RGS7: variants seen among roughly 807,000 people sequenced by gnomAD.
RGS7 encodes regulator of G protein signaling 7, also known as regulator of G-protein signaling 7.
RGS7 carries 27 observed loss-of-function variants against 81.1 expected under a neutral mutation model. That is an observed-to-expected ratio of 0.33 (90% CI 0.25 to 0.46). The LOEUF (loss-of-function observed/expected upper bound fraction) is 0.46. Ranked by LOEUF, RGS7 falls within the 20% of genes least tolerant of loss-of-function variation. The pLI is 1.00. For missense variants in RGS7, 396 were observed against 607.4 expected (o/e 0.65, Z 3.66); for synonymous variants, 208 against 207.7 (o/e 1.00, Z -0.01).
chr1:241,099,923 A>G (rs1297433497), intron 2 of RGS7, among the ~76,000 whole-genome samples: 1 of 152,192 alleles, frequency 6.6e-6, no homozygotes, highest in Admixed American at 6.5e-5. Context: ...TCTTGTTTTG[A>G]TAATTATGCC....
At chr1:240,970,619 C>A (rs995691894) in intron 4 of RGS7, among the ~76,000 whole-genome samples, 3 of 152,208 alleles carry the variant, frequency 2.0e-5, no homozygotes, top group African/African-American at 7.2e-5. Flanking sequence ...GTGCAGACTT[C>A]TCACTTTCTG....
intron 10 of RGS7, chr1:240,823,037 G>C (rs1338347954): frequency 3.3e-6 from 2 of 613,846 alleles, no homozygotes; most frequent in Admixed American, 2.5e-5. Flanking sequence ...AAATGTTCTG[G>C]TAAATCTAGT....
At chr1:241,184,949 G>T (rs2071960564) in intron 2 of RGS7, among the ~76,000 whole-genome samples, 1 of 152,120 alleles carries the variant, frequency 6.6e-6, no homozygotes, top group South Asian at 2.1e-4. Flanking sequence ...CCTTTGAATT[G>T]GACATTCTTA....
intron 3 of RGS7, among the ~76,000 whole-genome samples, chr1:241,063,983 A>T (rs573645819): frequency 6.6e-6 from 1 of 152,096 alleles, no homozygotes; most frequent in Non-Finnish European, 1.5e-5. Flanking sequence ...TGGGAGTTCG[A>T]GACCAGTCTG....
intron 4 of RGS7, among the ~76,000 whole-genome samples, chr1:240,976,539 G>A (rs369638986): frequency 2.6e-5 from 4 of 152,220 alleles, no homozygotes; most frequent in African/African-American, 9.6e-5. Flanking sequence ...TCGTAATGTG[G>A]GTGGGCTTCA....
At chr1:240,828,295 G>A (rs1183540206) in intron 9 of RGS7, among the ~76,000 whole-genome samples, 1 of 152,094 alleles carries the variant, frequency 6.6e-6, no homozygotes, top group Non-Finnish European at 1.5e-5. Context: ...AGGAGGAGAG[G>A]GGAGGAGGGA....
At chr1:240,823,897 G>C (rs1174185636) in intron 10 of RGS7, among the ~76,000 whole-genome samples, 2 of 135,290 alleles carry the variant, frequency 1.5e-5, no homozygotes, top group Non-Finnish European at 3.1e-5. Flanking sequence ...AAAAATTTTA[G>C]TATCGGACTC....
intron 2 of RGS7, among the ~76,000 whole-genome samples, chr1:241,137,801 G>C (rs961629786): frequency 2.0e-5 from 3 of 152,214 alleles, no homozygotes; most frequent in African/African-American, 7.2e-5. Flanking sequence ...AGTTACAAAG[G>C]TGTGTGCTTA....
intron 2 of RGS7, among the ~76,000 whole-genome samples, chr1:241,194,599 C>T (rs1005711708): frequency 1.3e-5 from 2 of 152,156 alleles, no homozygotes; most frequent in African/African-American, 2.4e-5. Context: ...GGCTTTTGTT[C>T]TTTAAAAAAA....
intron 2 of RGS7, among the ~76,000 whole-genome samples, chr1:241,328,999 A>T (rs1450414582): frequency 6.6e-6 from 1 of 152,234 alleles, no homozygotes; most frequent in African/African-American, 2.4e-5. Flanking sequence ...TCACCGTCAC[A>T]AATAATGTTT....
intron 2 of RGS7, among the ~76,000 whole-genome samples, chr1:241,327,626 T>C (rs1301516798): frequency 6.6e-6 from 1 of 152,198 alleles, no homozygotes; most frequent in East Asian, 1.9e-4. Flanking sequence ...CCAAATGTGA[T>C]AAGAATGTGA....
intron 3 of RGS7, among the ~76,000 whole-genome samples, chr1:240,998,277 G>A (rs567055693): frequency 3.3e-5 from 5 of 152,218 alleles, no homozygotes; most frequent in Admixed American, 2.0e-4. Context: ...TTTATTAAGT[G>A]GCTTGGTATG....
At chr1:240,798,027 C>T (rs973028133) in intron 18 of RGS7, among the ~76,000 whole-genome samples, 2 of 152,192 alleles carry the variant, frequency 1.3e-5, no homozygotes, top group African/African-American at 2.4e-5. Flanking sequence ...AAGCTTGCTT[C>T]GAGTTCCAGC....
intron 2 of RGS7, among the ~76,000 whole-genome samples, chr1:241,110,840 A>G (rs145116459): frequency 6.6e-6 from 1 of 151,936 alleles, no homozygotes; most frequent in Non-Finnish European, 1.5e-5. Context: ...GCCCGCCATC[A>G]TGCCCAGCTA....
At chr1:241,255,512 C>T (rs2148242779) in intron 2 of RGS7, among the ~76,000 whole-genome samples, 1 of 152,242 alleles carries the variant, frequency 6.6e-6, no homozygotes, top group East Asian at 1.9e-4. Context: ...ATGAGCAGGC[C>T]TGAACTTGAG....
intron 3 of RGS7, among the ~76,000 whole-genome samples, chr1:241,044,263 C>A (rs978236080): frequency 2.2e-4 from 34 of 152,080 alleles, no homozygotes; most frequent in African/African-American, 7.7e-4. Flanking sequence ...CAAGTGCACA[C>A]AACCACGCCC....
chr1:241,221,000 AG>A (rs60609262), intron 2 of RGS7, among the ~76,000 whole-genome samples: 62 of 97,350 alleles, frequency 6.4e-4, no homozygotes, highest in African/African-American at 2.0e-3. Flanking sequence ...GAAGGAAGAG[AG>A]AGAGAAAGGA....
At chr1:241,332,677 A>C (rs2082035799) in intron 2 of RGS7, among the ~76,000 whole-genome samples, 2 of 152,176 alleles carry the variant, frequency 1.3e-5, no homozygotes, top group Non-Finnish European at 2.9e-5. Flanking sequence ...TGTTAGGAAA[A>C]CTTGATTGTG....
chr1:240,822,952 A>G (rs1170884073), intron 10 of RGS7: 2 of 484,944 alleles, frequency 4.1e-6, no homozygotes, highest in African/African-American at 3.9e-5. Flanking sequence ...GAACGAATAA[A>G]TAATACATTT....
Sources: allele counts gnomAD v4.1 joint callset (sites outside exome capture counted in the v4.1 genomes callset), GRCh38; gene constraint gnomAD v4.1.1; transcripts MANE v1.5; gene names NCBI Gene and HGNC (gene_info 2026-07-23, HGNC 2026-07-21).